Variants in KDM1A observed in about 807,000 individuals in gnomAD.
The protein encoded by KDM1A is lysine demethylase 1A.
A neutral mutation model predicts 109.4 loss-of-function variants in KDM1A; 49 were observed. The observed-to-expected ratio is 0.45, with a 90% CI of 0.36 to 0.57. The LOEUF (loss-of-function observed/expected upper bound fraction) is 0.57, where lower values mean the gene tolerates loss of function less well. Among genes scored for constraint, KDM1A ranks in the 20% least tolerant of loss-of-function variants. The pLI is 0.00. For missense variants in KDM1A, 668 were observed against 1,116.6 expected, an observed-to-expected ratio of 0.60 and a Z score of 5.73; for synonymous variants, 380 against 415.4, an observed-to-expected ratio of 0.91 and a Z score of 1.04.
rs1251532728 is a variant in KDM1A, at chr1:23,055,928, T to C, written c.884-4T>C. On this transcript the variant is annotated splice_polypyrimidine_tract_variant and splice_region_variant and intron_variant, in intron 6 of 20. Transcript: ENST00000400181. ...AAATCTTTTTTTTCATTTTTTGCTT[T>C]TAGCTAAAAAGACAGGAAAGGTAAT... 6.3e-7 allele frequency: 1 copy of C among 1,588,230 alleles called. No homozygotes were observed. The highest frequency in any genetic ancestry group is 8.6e-7 in the Non-Finnish European group (1 of 1,166,514).
At chr1:23,040,979 G>A (rs1487509235) in intron 2 of KDM1A, among the ~76,000 whole-genome samples, 1 of 152,060 alleles carries the variant, frequency 6.6e-6, no homozygotes, top group African/African-American at 2.4e-5. Context: ...AGCTAACAGC[G>A]CTACTTGCCT....
chr1:23,058,484 G>C (rs1046327391), intron 8 of KDM1A, among the ~76,000 whole-genome samples: 1 of 152,112 alleles, frequency 6.6e-6, no homozygotes, highest in Non-Finnish European at 1.5e-5. Flanking sequence ...AAAGAGATAG[G>C]TTAGTAGCTT....
intron 1 of KDM1A, among the ~76,000 whole-genome samples, chr1:23,029,649 A>T (rs1004161156): frequency 1.9e-4 from 28 of 151,174 alleles, no homozygotes; most frequent in African/African-American, 5.8e-4. Flanking sequence ...TTTTATTTTT[A>T]TTTTTTTTGA....
At chr1:23,044,368 C>G (rs1278908450) in intron 2 of KDM1A, 59 bp from the exon 3 acceptor site, 1 of 1,522,306 alleles carries the variant, frequency 6.6e-7, no homozygotes, top group Non-Finnish European at 9.0e-7. Flanking sequence ...GCCTTTATGT[C>G]CAGATATTAT....
chr1:23,036,027 A>T (rs773695271), intron 2 of KDM1A, among the ~76,000 whole-genome samples: 4 of 152,068 alleles, frequency 2.6e-5, no homozygotes, highest in Non-Finnish European at 5.9e-5. Flanking sequence ...GTTGCCAAGC[A>T]CTGAGTTTGG....
At chr1:23,046,312 C>T (rs1471190025) in intron 3 of KDM1A, among the ~76,000 whole-genome samples, 1 of 152,134 alleles carries the variant, frequency 6.6e-6, no homozygotes, top group Non-Finnish European at 1.5e-5. Flanking sequence ...CGTTTTCTCT[C>T]TCCTCCCCCT....
rs1208010447 is a variant in KDM1A at position 23,072,104 on chromosome 1, G to A, written c.1549-20G>A. 1 of 1,547,716 alleles carries A rather than the reference G, an allele frequency of 6.5e-7. No homozygotes were observed. Among genetic ancestry groups the A allele is most frequent in the African/African-American group, 1.4e-5 (1 of 73,498 alleles). The stretch of plus-strand genomic sequence containing the variant: ...TATCTGACCCTTCAGGGTAACTCAG[G>A]TTCACTTAATTTTTATCAGGAATAT... On this transcript the variant is annotated intron_variant, in intron 13 of 20. Transcript: ENST00000400181.
intron 2 of KDM1A, among the ~76,000 whole-genome samples, chr1:23,031,301 G>A (rs1641973884): frequency 6.6e-6 from 1 of 152,174 alleles, no homozygotes; most frequent in African/African-American, 2.4e-5. Flanking sequence ...GAGAGACCAA[G>A]CAAAAGCAGT....
At chr1:23,060,379 A>T (rs1367830455) in intron 9 of KDM1A, among the ~76,000 whole-genome samples, 1 of 152,216 alleles carries the variant, frequency 6.6e-6, no homozygotes, top group African/African-American at 2.4e-5. Flanking sequence ...ATCTTGTTTT[A>T]TCTGTCCCAT....
At position 23,083,201 on chromosome 1, in the gene KDM1A, C is replaced by T. The variant is rs776333269; in HGVS notation, c.2468C>T (p.Ala823Val). Reference protein sequence around the residue: ...APQPIPRLFFAGEHTIRNYPA... With the variant: ...APQPIPRLFFVGEHTIRNYPA... ...TAGCCGATTCCACGACTCTTCTTTG[C>T]GGGAGAACATACGATCCGTAACTAC... The change falls in exon 21 of 21, where the codon GCG (alanine) becomes GTG (valine). Residue 823 changes from alanine (A) to valine (V), a missense_variant. Coordinates refer to ENST00000400181, the MANE Select transcript of KDM1A (RefSeq NM_001009999.3). 1.2e-6 allele frequency: 2 copies of T among 1,611,308 alleles called. No homozygotes were observed. The highest frequency in any genetic ancestry group is 1.7e-6 in the Non-Finnish European group (2 of 1,177,942).
At chr1:23,058,962 T>G in intron 8 of KDM1A, 111 bp from the exon 9 acceptor site, 1 of 565,560 alleles carries the variant, frequency 1.8e-6, no homozygotes, top group Non-Finnish European at 2.8e-6. Context: ...AATAATTACA[T>G]ACTGTAAGCT....
chr1:23,068,627 A>G lies in KDM1A; in HGVS notation c.1268A>G (p.Asn423Ser), dbSNP rs747793005. 13 of 1,604,622 alleles carry G rather than the reference A, an allele frequency of 8.1e-6. No individual in the cohort carries two copies. The highest frequency in any genetic ancestry group is 1.8e-5 in the Admixed American group (1 of 56,602). The change falls in exon 11 of 21, where the codon AAT (asparagine) becomes AGT (serine). Residue 423 changes from asparagine (N) to serine (S), a missense_variant. By Grantham distance (46) the Asn-to-Ser change is conservative. Transcript: ENST00000400181. The stretch of plus-strand genomic sequence containing the variant: ...TACCTTAGTCATCAACTAGACTTCA[A>G]TGTCCTCAATAATAAGCCTGTGTCC... ...TSYLSHQLDF[N>S]VLNNKPVSLG...
chr1:23,041,373 ACCTTC>A (rs1202461792), intron 2 of KDM1A, among the ~76,000 whole-genome samples: 3 of 146,536 alleles, frequency 2.0e-5, no homozygotes, highest in Non-Finnish European at 4.5e-5. Flanking sequence ...CTTATGTGGT[ACCTTC>A]TGCTTGGTTT....
intron 2 of KDM1A, 129 bp from the exon 3 acceptor site, chr1:23,044,298 G>A (rs1439948905): frequency 2.6e-6 from 2 of 759,224 alleles, no homozygotes; most frequent in South Asian, 3.1e-5. Flanking sequence ...TCCAGAAGAA[G>A]GAGCTCTCTG....
At chr1:23,026,508 G>GC (rs1478195554) in intron 1 of KDM1A, among the ~76,000 whole-genome samples, 11 of 151,370 alleles carry the variant, frequency 7.3e-5, no homozygotes, top group African/African-American at 1.7e-4. Flanking sequence ...TCCTGCCGTA[G>GC]CCCCCCCAAG....
At chr1:23,070,956 C>T (rs1643301023) in intron 12 of KDM1A, among the ~76,000 whole-genome samples, 2 of 152,190 alleles carry the variant, frequency 1.3e-5, no homozygotes, top group South Asian at 4.1e-4. Flanking sequence ...GGACACTCCT[C>T]ATCCTTCTCA....
intron 2 of KDM1A, among the ~76,000 whole-genome samples, chr1:23,041,457 T>G (rs1420137500): frequency 1.4e-5 from 2 of 143,076 alleles, no homozygotes; most frequent in Non-Finnish European, 3.0e-5. Context: ...TTTTTTTTTT[T>G]TTGGAGACCG....
rs778071512 is a variant in KDM1A, at chr1:23,072,201, A to G, written c.1622+4A>G. Reference sequence around the variant, plus strand: ...AGTTGGAAGCGAATCCCCCAAGGTAAGGAAAACAAACACAAAAGTTCAGAG... The same window carrying G: ...AGTTGGAAGCGAATCCCCCAAGGTAGGGAAAACAAACACAAAAGTTCAGAG... On this transcript the variant is annotated splice_donor_region_variant and intron_variant, in intron 14 of 20. Coordinates refer to ENST00000400181, the MANE Select transcript of KDM1A (RefSeq NM_001009999.3). 4 of 1,605,876 alleles carry G rather than the reference A, an allele frequency of 2.5e-6. No homozygotes were observed. The highest frequency in any genetic ancestry group is 3.4e-6 in the Non-Finnish European group (4 of 1,174,424).
intron 2 of KDM1A, among the ~76,000 whole-genome samples, chr1:23,040,992 T>C (rs1234380071): frequency 1.3e-5 from 2 of 152,224 alleles, no homozygotes; most frequent in African/African-American, 4.8e-5. Context: ...ACTTGCCTGC[T>C]GTTAATGTGT....
Sources: allele counts gnomAD v4.1 joint callset (sites outside exome capture counted in the v4.1 genomes callset), GRCh38; gene constraint gnomAD v4.1.1; transcripts MANE v1.5; gene names NCBI Gene and HGNC (gene_info 2026-07-23, HGNC 2026-07-21).